The following FAM135B variants were observed in gnomAD, a reference collection of about 807,000 sequenced individuals.
FAM135B encodes the protein protein FAM135B.
Under a neutral mutation model 127.7 loss-of-function variants are expected in FAM135B, and 43 were observed. That is an observed-to-expected ratio of 0.34 (90% CI 0.26 to 0.43). FAM135B has a LOEUF of 0.43. Among genes scored for constraint, FAM135B ranks in the 20% least tolerant of loss-of-function variants. FAM135B has a pLI of 1.00. For missense variants in FAM135B, 1,558 were observed against 1,725.6 expected (o/e 0.90, Z 1.72); for synonymous variants, 670 against 665.1 (o/e 1.01, Z -0.11).
intron 3 of FAM135B, among the ~76,000 whole-genome samples, chr8:138,287,482 A>G (rs1824784340): frequency 7.4e-6 from 1 of 135,022 alleles, no homozygotes; most frequent in Admixed American, 8.4e-5. Context: ...TGCATACCCT[A>G]TGACTACTTC....
intron 3 of FAM135B, among the ~76,000 whole-genome samples, chr8:138,267,937 CTCTT>C (rs1209553708): frequency 2.0e-5 from 3 of 152,200 alleles, no homozygotes; most frequent in Non-Finnish European, 4.4e-5. Flanking sequence ...GCTACACTAG[CTCTT>C]TCTCTATCAC....
chr8:138,472,741 G>T (rs2131657382), intron 1 of FAM135B, among the ~76,000 whole-genome samples: 1 of 152,296 alleles, frequency 6.6e-6, no homozygotes, highest in Admixed American at 6.5e-5. Flanking sequence ...CGTGCATATT[G>T]TTTCCACTGG....
intron 1 of FAM135B, among the ~76,000 whole-genome samples, chr8:138,398,597 A>T (rs756485287): frequency 5.3e-5 from 8 of 152,148 alleles, no homozygotes; most frequent in Non-Finnish European, 7.3e-5. Flanking sequence ...TGACAGTTTG[A>T]TTTGGAAAGA....
intron 7 of FAM135B, among the ~76,000 whole-genome samples, chr8:138,197,918 A>G (rs1279003996): frequency 6.6e-6 from 1 of 152,208 alleles, no homozygotes; most frequent in South Asian, 2.1e-4. Flanking sequence ...CCTTTGTCTT[A>G]TATTCAAATT....
chr8:138,262,176 C>T (rs1040895385), intron 4 of FAM135B, among the ~76,000 whole-genome samples: 3 of 152,280 alleles, frequency 2.0e-5, no homozygotes, highest in South Asian at 4.1e-4. Context: ...CAACCTCACA[C>T]GACCTAAGGT....
At chr8:138,240,108 T>C (rs540495051) in intron 7 of FAM135B, among the ~76,000 whole-genome samples, 23 of 152,246 alleles carry the variant, frequency 1.5e-4, no homozygotes, top group African/African-American at 4.1e-4. Context: ...GTAACAAACC[T>C]GCACATTGTG....
intron 1 of FAM135B, among the ~76,000 whole-genome samples, chr8:138,443,750 G>A (rs1376155700): frequency 6.6e-6 from 1 of 152,106 alleles, no homozygotes; most frequent in Non-Finnish European, 1.5e-5. Context: ...GTAAGACGCA[G>A]GTTATATGCC....
intron 2 of FAM135B, among the ~76,000 whole-genome samples, chr8:138,314,747 C>A (rs1826949369): frequency 1.5e-5 from 1 of 66,432 alleles, no homozygotes. Context: ...GTGGCAGATG[C>A]CTGTAGTCTG....
At chr8:138,263,707 T>C (rs1822708589) in intron 4 of FAM135B, among the ~76,000 whole-genome samples, 1 of 152,154 alleles carries the variant, frequency 6.6e-6, no homozygotes, top group Non-Finnish European at 1.5e-5. Context: ...TCAAGGGCCA[T>C]CAAACAGGGC....
intron 3 of FAM135B, among the ~76,000 whole-genome samples, chr8:138,298,670 T>G (rs1456845074): frequency 6.6e-6 from 1 of 152,122 alleles, no homozygotes; most frequent in African/African-American, 2.4e-5. Flanking sequence ...AATATAATAG[T>G]GACAAGCCAG....
rs1485758279 is a variant in FAM135B, at chr8:138,145,954, C to T, written c.3540+5G>A. ...CTTCCAGTTCTGATATTTGTATCATCATACCTGATTCTTTTCAGACATTAG... is the reference window on the plus strand; with the variant it reads ...CTTCCAGTTCTGATATTTGTATCATTATACCTGATTCTTTTCAGACATTAG... On this transcript the variant is annotated splice_donor_5th_base_variant and intron_variant, in intron 15 of 19. Transcript: ENST00000395297. The T allele has an allele frequency of 6.6e-7, 1 of 1,515,082 alleles. No homozygotes were observed. Among genetic ancestry groups the T allele is most frequent in the Non-Finnish European group, 9.2e-7 (1 of 1,090,402 alleles). 93.9% of individuals were successfully genotyped at this position (1,515,082 alleles called of 1,614,324 possible). A position where few individuals can be genotyped will look rare whatever the true frequency, so the allele number is the denominator to read the frequency against.
rs1817854493 is a variant in FAM135B at position 138,148,636 on chromosome 8, A to C, written c.3332T>G (p.Phe1111Cys). Reference sequence around the variant, plus strand: ...TAGTACAGTTAAGTCACTGTACAGAAATCCTTCAATCTTCAGTTCTTTTTT... The same window carrying C: ...TAGTACAGTTAAGTCACTGTACAGACATCCTTCAATCTTCAGTTCTTTTTT... ...KFKKELKIEG[F>C]LYSDLTVLAS... is the part of the protein sequence containing the mutation. The change falls in exon 14 of 20, where the codon TTT becomes TGT. Residue 1111 changes from phenylalanine to cysteine, a missense_variant. Transcript: ENST00000395297. The C allele has an allele frequency of 6.2e-7, 1 of 1,609,964 alleles. No homozygotes were observed.
At chr8:138,159,682 C>A (rs1819167590) in intron 12 of FAM135B, among the ~76,000 whole-genome samples, 1 of 151,878 alleles carries the variant, frequency 6.6e-6, no homozygotes, top group Admixed American at 6.6e-5. Context: ...GTGCAGCACA[C>A]CAACATGGCA....
At chr8:138,345,486 C>A (rs1426862292) in intron 2 of FAM135B, among the ~76,000 whole-genome samples, 1 of 152,184 alleles carries the variant, frequency 6.6e-6, no homozygotes. Context: ...TCTAAACGGA[C>A]AGGGTGGGCA....
At chr8:138,324,823 C>T (rs1408874009) in intron 2 of FAM135B, among the ~76,000 whole-genome samples, 9 of 152,192 alleles carry the variant, frequency 5.9e-5, no homozygotes, top group Non-Finnish European at 1.5e-5. Context: ...ACAATACACC[C>T]TATCCTGACC....
At chr8:138,414,830 A>G (rs1834053658) in intron 1 of FAM135B, among the ~76,000 whole-genome samples, 3 of 152,104 alleles carry the variant, frequency 2.0e-5, no homozygotes, top group Admixed American at 6.6e-5. Flanking sequence ...CCTAATTCTA[A>G]AGAAAAAAAC....
At chr8:138,251,111 C>T (rs1821669474) in intron 5 of FAM135B, 97 bp from the exon 6 acceptor site, 1 of 1,346,718 alleles carries the variant, frequency 7.4e-7, no homozygotes, top group African/African-American at 1.4e-5. Flanking sequence ...GGCCAAGCAC[C>T]ATGCATACAT....
At chr8:138,262,371 G>T (rs953568181) in intron 4 of FAM135B, among the ~76,000 whole-genome samples, 2 of 152,120 alleles carry the variant, frequency 1.3e-5, no homozygotes, top group African/African-American at 4.8e-5. Flanking sequence ...AAGGGCAAAG[G>T]CCCACGGGAA....
At position 138,206,313 on chromosome 8, in the gene FAM135B, C is replaced by A. The variant is rs77655391; in HGVS notation, c.670-8644G>T. On this transcript the variant is annotated intron_variant, in intron 7 of 19. Transcript: ENST00000395297. ...CAGCTCTATCATCCCCTCCACCTACCCACAGCTCTATCATCCCCTCCACCT... is the reference window on the plus strand; with the variant it reads ...CAGCTCTATCATCCCCTCCACCTACACACAGCTCTATCATCCCCTCCACCT... Among the ~76,000 whole-genome samples the A allele has an allele frequency of 9.5e-3, 260 of 27,506 alleles. No homozygotes were observed. In the Middle Eastern group the frequency reaches 0.11, roughly 11 times the overall value. 18.0% of individuals were successfully genotyped at this position (27,506 alleles called of 152,430 possible).
Sources: gnomAD v4.1 joint callset for allele counts (sites outside exome capture counted in the v4.1 genomes callset) on GRCh38, gnomAD v4.1.1 for gene constraint, MANE v1.5 for transcripts, NCBI Gene and HGNC (gene_info 2026-07-23, HGNC 2026-07-21) for gene names.